The following LRP1B variants were observed in gnomAD, a reference collection of about 807,000 sequenced individuals.
LRP1B encodes low-density lipoprotein receptor-related protein 1B.
LRP1B carries 217 observed loss-of-function variants against 556.6 expected under a neutral mutation model. The observed-to-expected ratio is 0.39, with a 90% CI of 0.35 to 0.44. The LOEUF is 0.44. Ranked by LOEUF, LRP1B falls within the 20% of genes least tolerant of loss-of-function variation. The probability of loss-of-function intolerance (pLI) is 1.00; values close to 1 mark genes in which losing one functional copy is unlikely to be tolerated. For synonymous variants in LRP1B, 2,047 were observed against 1,865.8 expected (o/e 1.10, Z -2.50); for missense variants, 5,053 against 5,620.8 (o/e 0.90, Z 3.23).
chr2:141,071,307 G>T (rs1188562472), intron 7 of LRP1B, among the ~76,000 whole-genome samples: 5 of 149,378 alleles, frequency 3.3e-5, no homozygotes, highest in African/African-American at 9.9e-5. Context: ...ATTCAACAAC[G>T]CTTCATGCTA....
intron 1 of LRP1B, among the ~76,000 whole-genome samples, chr2:142,056,990 T>C (rs1191045343): frequency 2.6e-5 from 4 of 152,178 alleles, no homozygotes; most frequent in Admixed American, 2.6e-4. Context: ...CTCAGCACTT[T>C]CGTATCTCTG....
At chr2:141,131,891 G>C (rs947581576) in intron 7 of LRP1B, among the ~76,000 whole-genome samples, 2 of 151,776 alleles carry the variant, frequency 1.3e-5, no homozygotes, top group African/African-American at 4.8e-5. Context: ...GGTTACATGA[G>C]TAAGTTCTTT....
intron 41 of LRP1B, among the ~76,000 whole-genome samples, chr2:140,611,689 G>T (rs1306618143): frequency 6.6e-6 from 1 of 151,904 alleles, no homozygotes; most frequent in Non-Finnish European, 1.5e-5. Flanking sequence ...AATATGAAAA[G>T]GTGTTAAGAA....
At chr2:141,747,277 A>G (rs1236862317) in intron 2 of LRP1B, among the ~76,000 whole-genome samples, 1 of 152,224 alleles carries the variant, frequency 6.6e-6, no homozygotes, top group African/African-American at 2.4e-5. Context: ...TATTACACTG[A>G]AATGTTAAAA....
intron 2 of LRP1B, among the ~76,000 whole-genome samples, chr2:141,625,030 A>C (rs1688656736): frequency 6.6e-6 from 1 of 152,154 alleles, no homozygotes; most frequent in South Asian, 2.1e-4. Flanking sequence ...AGCCTCCCAA[A>C]GTGCTGGGAT....
chr2:141,438,041 G>A (rs966700615), intron 3 of LRP1B, among the ~76,000 whole-genome samples: 2 of 152,096 alleles, frequency 1.3e-5, no homozygotes, highest in Admixed American at 6.6e-5. Context: ...ACATTTGGAA[G>A]TGAGGCATCT....
chr2:141,849,941 A>G (rs1443774509), intron 1 of LRP1B, among the ~76,000 whole-genome samples: 1 of 151,708 alleles, frequency 6.6e-6, no homozygotes, highest in Non-Finnish European at 1.5e-5. Flanking sequence ...AGTTTGGCAT[A>G]AGTTAATGTT....
At chr2:141,620,038 G>A (rs760737227) in intron 2 of LRP1B, among the ~76,000 whole-genome samples, 1 of 152,142 alleles carries the variant, frequency 6.6e-6, no homozygotes, top group Non-Finnish European at 1.5e-5. Context: ...CTGTAACCTG[G>A]AACTCCTGGG....
intron 1 of LRP1B, among the ~76,000 whole-genome samples, chr2:141,838,102 TA>T (rs1426539331): frequency 6.6e-6 from 1 of 152,116 alleles, no homozygotes; most frequent in Non-Finnish European, 1.5e-5. Context: ...TAAACACATT[TA>T]TTGGGTACCT....
chr2:140,550,929 G>A (rs1242807064), intron 43 of LRP1B, among the ~76,000 whole-genome samples: 1 of 152,088 alleles, frequency 6.6e-6, no homozygotes, highest in African/African-American at 2.4e-5. Flanking sequence ...AGTCATGTAG[G>A]TGGGGCCCCA....
intron 3 of LRP1B, among the ~76,000 whole-genome samples, chr2:141,305,737 G>C (rs114498076): frequency 6.6e-6 from 1 of 152,142 alleles, no homozygotes; most frequent in Non-Finnish European, 1.5e-5. Flanking sequence ...GTTATACACA[G>C]TCTCTATTAT....
chr2:140,264,738 GTGTATA>G (rs779558451), intron 86 of LRP1B, among the ~76,000 whole-genome samples: 42 of 102,956 alleles, frequency 4.1e-4, no homozygotes, highest in Non-Finnish European at 6.3e-4. Flanking sequence ...GTGTGTGTGT[GTGTATA>G]TAATTTTCCC....
chr2:140,457,189 A>G (rs1324477362), intron 61 of LRP1B, among the ~76,000 whole-genome samples: 1 of 152,170 alleles, frequency 6.6e-6, no homozygotes, highest in Non-Finnish European at 1.5e-5. Flanking sequence ...TCAAGAATAC[A>G]GTCTTCACTT....
At chr2:141,139,688 C>T (rs951672675) in intron 7 of LRP1B, among the ~76,000 whole-genome samples, 15 of 150,900 alleles carry the variant, frequency 9.9e-5, no homozygotes, top group Non-Finnish European at 1.8e-4. Context: ...TAAAAAAGAC[C>T]GACTAGACCA....
In LRP1B at chr2:140,457,526, G is replaced by C. The variant is rs1174623813; in HGVS notation, c.9751C>G (p.Leu3251Val). 6.2e-7 allele frequency: 1 copy of C among 1,613,840 alleles called. No individual in the cohort carries two copies. Among genetic ancestry groups the C allele is most frequent in the Non-Finnish European group, 8.5e-7 (1 of 1,179,798 alleles). The change falls in exon 61 of 91, where the codon CTG becomes GTG. Residue 3251 changes from leucine (L) to valine (V), a missense_variant. Around this residue, in one of 5 missense-constraint regions of LRP1B, gnomAD observed 262 missense variants for 395.1 expected, o/e 0.66. Coordinates refer to ENST00000389484, the MANE Select transcript of LRP1B (RefSeq NM_018557.3). The stretch of plus-strand genomic sequence containing the variant: ...GTGATGGCATGCCATGAGTAAATCA[G>C]TGAGAGTCTGTCTGCTCCCGATGTT... ...HKTSGADRLS[L>V]IYSWHAITDI... is the part of the protein sequence containing the mutation.
intron 1 of LRP1B, among the ~76,000 whole-genome samples, chr2:141,862,443 T>C (rs1211925403): frequency 6.6e-6 from 1 of 152,158 alleles, no homozygotes; most frequent in African/African-American, 2.4e-5. Flanking sequence ...TATATGCATA[T>C]TGCCCAGAGC....
intron 5 of LRP1B, among the ~76,000 whole-genome samples, chr2:141,233,834 A>T (rs943010030): frequency 6.6e-6 from 1 of 152,054 alleles, no homozygotes; most frequent in Non-Finnish European, 1.5e-5. Flanking sequence ...ACTTACAAAT[A>T]ATTATGTAAC....
chr2:140,234,835 G>T lies in LRP1B; in HGVS notation c.13610C>A (p.Ala4537Glu). 1 of 775,688 alleles carries T rather than the reference G, an allele frequency of 1.3e-6. No individual in the cohort carries two copies. 48.1% of individuals were successfully genotyped at this position (775,688 alleles called of 1,614,324 possible). A position where few individuals can be genotyped will look rare whatever the true frequency, so the allele number is the denominator to read the frequency against. The change falls in exon 90 of 91, where the codon GCG (alanine) becomes GAG (glutamate). Residue 4537 changes from alanine (A) to glutamate (E), a missense_variant. Physicochemically the swap from Ala to Glu is moderately radical, Grantham distance 107. Transcript: ENST00000389484. ...GPSAFKLPHT[A>E]PPIYLNSDLK... Reference sequence around the variant, plus strand: ...ATCAGAGTTTAGGTAGATGGGCGGCGCTGTGTGTGGAAGCTTGAAAGCACT... The same window carrying T: ...ATCAGAGTTTAGGTAGATGGGCGGCTCTGTGTGTGGAAGCTTGAAAGCACT...
At chr2:141,621,446 T>A (rs118183474) in intron 2 of LRP1B, among the ~76,000 whole-genome samples, 10 of 152,150 alleles carry the variant, frequency 6.6e-5, no homozygotes, top group Admixed American at 5.9e-4. Flanking sequence ...TCAGGCAAAC[T>A]TTTATCATCA....
Sources: allele counts gnomAD v4.1 joint callset (sites outside exome capture counted in the v4.1 genomes callset), GRCh38; gene constraint gnomAD v4.1.1; regional missense constraint gnomAD v4.1.1; transcripts MANE v1.5; gene names NCBI Gene and HGNC (gene_info 2026-07-23, HGNC 2026-07-21).